The following OR9Q1 variants were observed in gnomAD, a reference collection of about 807,000 sequenced individuals.
OR9Q1 encodes olfactory receptor family 9 subfamily Q member 1, also known as olfactory receptor 9Q1.
For missense variants in OR9Q1, 374 were observed against 378.8 expected, an observed-to-expected ratio of 0.99 and a Z score of 0.11; for synonymous variants, 153 against 148.6, an observed-to-expected ratio of 1.03 and a Z score of -0.22.
At chr11:58,093,167 T>A (rs1329111629) in intron 2 of OR9Q1, among the ~76,000 whole-genome samples, 3 of 152,214 alleles carry the variant, frequency 2.0e-5, no homozygotes, top group Non-Finnish European at 4.4e-5. Context: ...TGATTCCAAA[T>A]ATATGTATTT....
chr11:58,105,590 T>C (rs1853832099), intron 2 of OR9Q1, among the ~76,000 whole-genome samples: 1 of 152,198 alleles, frequency 6.6e-6, no homozygotes, highest in Non-Finnish European at 1.5e-5. Flanking sequence ...GCAGTAGATC[T>C]CTGGGACTTA....
chr11:58,083,886 G>A (rs2120048563), intron 2 of OR9Q1, among the ~76,000 whole-genome samples: 1 of 152,028 alleles, frequency 6.6e-6, no homozygotes, highest in African/African-American at 2.4e-5. Flanking sequence ...TTGAAGTTGG[G>A]TAGTGTTATG....
chr11:58,107,574 G>A (rs1282194871), intron 2 of OR9Q1, among the ~76,000 whole-genome samples: 3 of 152,090 alleles, frequency 2.0e-5, no homozygotes, highest in Non-Finnish European at 2.9e-5. Flanking sequence ...ATAAACTTAC[G>A]TGTGCACGTG....
intron 2 of OR9Q1, among the ~76,000 whole-genome samples, chr11:58,076,325 A>T (rs1008980140): frequency 6.6e-6 from 1 of 152,144 alleles, no homozygotes; most frequent in Non-Finnish European, 1.5e-5. Context: ...TGGGGCTTCA[A>T]TCTCATCTGA....
In OR9Q1 at chr11:58,131,969, T is replaced by C. The variant is rs181146834; in HGVS notation, c.-14-47462T>C. 4.6e-5 allele frequency among the ~76,000 whole-genome samples: 7 copies of C among 152,320 alleles called. No homozygotes were observed. In the East Asian group the frequency reaches 1.2e-3, roughly 25 times the overall value. ...AAATTCTGGAAGGATATTAATAGTA[T>C]TAATAGTGGCAAAACTGCAATTACT... On this transcript the variant is annotated intron_variant, in intron 2 of 2. Coordinates refer to ENST00000335397, the MANE Select transcript of OR9Q1 (RefSeq NM_001005212.4).
intron 2 of OR9Q1, among the ~76,000 whole-genome samples, chr11:58,113,954 G>A (rs1463927094): frequency 1.3e-5 from 2 of 152,084 alleles, no homozygotes; most frequent in African/African-American, 4.8e-5. Flanking sequence ...GAGCTTCTGT[G>A]AAGAACTGTT....
chr11:58,150,619 G>A (rs1854341761), intron 2 of OR9Q1, among the ~76,000 whole-genome samples: 2 of 152,054 alleles, frequency 1.3e-5, no homozygotes, highest in South Asian at 2.1e-4. Flanking sequence ...TAACATCACA[G>A]GACAACACAT....
At chr11:58,096,759 A>G (rs968032980) in intron 2 of OR9Q1, among the ~76,000 whole-genome samples, 2 of 144,072 alleles carry the variant, frequency 1.4e-5, no homozygotes, top group African/African-American at 5.2e-5. Flanking sequence ...GCTGGAGTGC[A>G]GTGGCGCAAT....
chr11:58,094,348 A>G (rs1853711539), intron 2 of OR9Q1, among the ~76,000 whole-genome samples: 1 of 152,212 alleles, frequency 6.6e-6, no homozygotes, highest in Non-Finnish European at 1.5e-5. Flanking sequence ...CAAATTATTC[A>G]GGTGATATAT....
intron 2 of OR9Q1, chr11:58,171,640 G>A (rs1286574896): frequency 2.0e-5 from 3 of 152,180 alleles, no homozygotes; most frequent in African/African-American, 7.2e-5. Flanking sequence ...TGAACACCAG[G>A]CTGACCATTC....
chr11:58,126,235 T>C lies in OR9Q1; in HGVS notation c.-14-53196T>C, dbSNP rs1031524985. Among the ~76,000 whole-genome samples, 8 of 152,168 alleles carry C rather than the reference T, an allele frequency of 5.3e-5. No homozygotes were observed. In the East Asian group the frequency reaches 7.7e-4, roughly 15 times the overall value. On this transcript the variant is annotated intron_variant, in intron 2 of 2. Transcript: ENST00000335397. ...GATCTCTTTGTTAGAACCACATAAT[T>C]TGGCACTGAACTCCACTTGTCTTAC...
intron 2 of OR9Q1, among the ~76,000 whole-genome samples, chr11:58,124,876 T>C (rs1175023238): frequency 6.6e-6 from 1 of 152,192 alleles, no homozygotes; most frequent in East Asian, 1.9e-4. Context: ...ATACTATGCA[T>C]TGTAGACACA....
At chr11:58,030,232 C>G (rs1853017815) in intron 1 of OR9Q1, among the ~76,000 whole-genome samples, 1 of 152,170 alleles carries the variant, frequency 6.6e-6, no homozygotes, top group South Asian at 2.1e-4. Context: ...CTTAAAGTCT[C>G]CCTGTGACCT....
chr11:58,096,089 T>C (rs1853728372), intron 2 of OR9Q1, among the ~76,000 whole-genome samples: 2 of 151,838 alleles, frequency 1.3e-5, no homozygotes, highest in African/African-American at 4.8e-5. Flanking sequence ...AAATTGTAAA[T>C]ATACTTTTCC....
At chr11:58,064,182 A>G (rs1218394449) in intron 2 of OR9Q1, among the ~76,000 whole-genome samples, 1 of 152,204 alleles carries the variant, frequency 6.6e-6, no homozygotes. Flanking sequence ...GTGACCTCAC[A>G]CCAACATGCG....
chr11:58,148,003 TA>T (rs1242513441), intron 2 of OR9Q1, among the ~76,000 whole-genome samples: 1 of 152,168 alleles, frequency 6.6e-6, no homozygotes, highest in Non-Finnish European at 1.5e-5. Flanking sequence ...TATACATTTT[TA>T]GCTATAATAT....
chr11:58,134,935 A>G (rs192964181), intron 2 of OR9Q1, among the ~76,000 whole-genome samples: 1 of 152,326 alleles, frequency 6.6e-6, no homozygotes, highest in East Asian at 1.9e-4. Flanking sequence ...ATATGGGATT[A>G]TGGAAGTAAT....
intron 2 of OR9Q1, among the ~76,000 whole-genome samples, chr11:58,103,117 G>T (rs1853800192): frequency 6.6e-6 from 1 of 151,944 alleles, no homozygotes; most frequent in South Asian, 2.1e-4. Flanking sequence ...AGGTTTAATT[G>T]ACTCACAGTT....
At chr11:58,076,953 C>G (rs1853543753) in intron 2 of OR9Q1, among the ~76,000 whole-genome samples, 1 of 152,082 alleles carries the variant, frequency 6.6e-6, no homozygotes, top group South Asian at 2.1e-4. Context: ...CCTTTTAACA[C>G]TTAGTGAAAA....
Sources: gnomAD v4.1 joint callset for allele counts (sites outside exome capture counted in the v4.1 genomes callset) on GRCh38, gnomAD v4.1.1 for gene constraint, MANE v1.5 for transcripts, NCBI Gene and HGNC (gene_info 2026-07-23, HGNC 2026-07-21) for gene names.